Variants in CLMP observed in about 807,000 individuals in gnomAD.
The protein encoded by CLMP is CXADR like cell adhesion molecule.
In CLMP, 27 loss-of-function variants were observed where a neutral mutation model predicts 45.2. The observed-to-expected ratio is 0.60, with a 90% CI of 0.44 to 0.82. The LOEUF (loss-of-function observed/expected upper bound fraction) is 0.82, where lower values mean the gene tolerates loss of function less well. CLMP is among the 40% of genes least tolerant of loss of function. The pLI is 0.00. For synonymous variants in CLMP, 167 were observed against 171.4 expected, an observed-to-expected ratio of 0.97 and a Z score of 0.20; for missense variants, 403 against 448.4, an observed-to-expected ratio of 0.90 and a Z score of 0.91.
In CLMP at chr11:123,074,815, T is replaced by C; in HGVS notation, c.708A>G (p.Gly236=). Reference sequence around the variant, plus strand: ...CTCCAGCCACTATGCCTGTCACTGCTCCTGCAACCATGCCGATGCTTTGTA... The same window carrying C: ...CTCCAGCCACTATGCCTGTCACTGCCCCTGCAACCATGCCGATGCTTTGTA... ...QYVQSIGMVA[G]AVTGIVAGAL... is the part of the protein sequence containing the mutation. Residue 236 remains glycine, a synonymous_variant, in exon 6 of 7, where the codon GGA becomes GGG. Transcript: ENST00000448775. 6.2e-7 allele frequency: 1 copy of C among 1,613,996 alleles called. No homozygotes were observed. The highest frequency in any genetic ancestry group is 2.2e-5 in the East Asian group (1 of 44,896).
chr11:123,163,251 G>T (rs532824808), intron 1 of CLMP, among the ~76,000 whole-genome samples: 2 of 152,274 alleles, frequency 1.3e-5, no homozygotes, highest in South Asian at 4.1e-4. Flanking sequence ...GGAGAAATTT[G>T]TGTCCTGTTT....
At chr11:123,108,472 A>G (rs2135489195) in intron 1 of CLMP, among the ~76,000 whole-genome samples, 1 of 152,234 alleles carries the variant, frequency 6.6e-6, no homozygotes, top group Non-Finnish European at 1.5e-5. Flanking sequence ...GTGTGGATAC[A>G]AGGACCCAGG....
intron 1 of CLMP, among the ~76,000 whole-genome samples, chr11:123,155,870 G>T (rs901064514): frequency 1.3e-5 from 2 of 152,176 alleles, no homozygotes; most frequent in Non-Finnish European, 2.9e-5. Flanking sequence ...GGGAAGCCAG[G>T]TACCATGGCA....
intron 1 of CLMP, among the ~76,000 whole-genome samples, chr11:123,139,039 C>T (rs917186862): frequency 6.6e-6 from 1 of 152,020 alleles, no homozygotes; most frequent in African/African-American, 2.4e-5. Context: ...AATTTAAGTT[C>T]CGTGTCTATA....
Position 123,097,789 on chromosome 11 carries a change from A to G in CLMP, c.186+6T>C, listed in dbSNP as rs367573793. On this transcript the variant is annotated splice_donor_region_variant and intron_variant, in intron 2 of 6. Coordinates refer to ENST00000448775, the MANE Select transcript of CLMP (RefSeq NM_024769.5). ...GAGGAGGGACTCCAGCCAGGTGTCT[A>G]CTTACCACTTTTTGGTTCCCTTCAT... The G allele has an allele frequency of 1.6e-5, 26 of 1,582,432 alleles. No homozygotes were observed. In the African/African-American group the frequency reaches 2.8e-4, roughly 17 times the overall value.
intron 2 of CLMP, among the ~76,000 whole-genome samples, chr11:123,093,873 T>C (rs1865961268): frequency 6.6e-6 from 1 of 152,154 alleles, no homozygotes; most frequent in Non-Finnish European, 1.5e-5. Flanking sequence ...ATGGAGCAGC[T>C]CAACTTTCTG....
intron 1 of CLMP, among the ~76,000 whole-genome samples, chr11:123,124,554 T>C (rs1860862763): frequency 6.6e-6 from 1 of 152,262 alleles, no homozygotes; most frequent in South Asian, 2.1e-4. Context: ...GGATTTTGCC[T>C]CTGCAATAAT....
chr11:123,127,208 G>A (rs1486850474), intron 1 of CLMP, among the ~76,000 whole-genome samples: 2 of 151,710 alleles, frequency 1.3e-5, no homozygotes, highest in Admixed American at 6.6e-5. Context: ...TGCAACCTGC[G>A]CCTCCTGGAT....
At position 123,143,522 on chromosome 11, in the gene CLMP, G is replaced by A. The variant is rs188470729; in HGVS notation, c.29-45570C>T. ...GCCATGTGAACCGCCTATGGGGGGC[G>A]GGGGGGGCATGAGACAGGGAACAGT... On this transcript the variant is annotated intron_variant, in intron 1 of 6. Coordinates refer to ENST00000448775, the MANE Select transcript of CLMP (RefSeq NM_024769.5). Among the ~76,000 whole-genome samples, 7 of 103,324 alleles carry A rather than the reference G, an allele frequency of 6.8e-5. No individual in the cohort carries two copies. In the East Asian group the frequency reaches 1.2e-3, roughly 17 times the overall value. The allele number at this position is 103,324 out of a possible 152,430, so 67.8% of individuals were successfully genotyped here. A position where few individuals can be genotyped will look rare whatever the true frequency, so the allele number is the denominator to read the frequency against.
chr11:123,184,187 C>T (rs929103146), intron 1 of CLMP, among the ~76,000 whole-genome samples: 3 of 152,058 alleles, frequency 2.0e-5, no homozygotes, highest in African/African-American at 4.8e-5. Flanking sequence ...CTCTGCCTCC[C>T]GGGTTCAAGT....
intron 1 of CLMP, among the ~76,000 whole-genome samples, chr11:123,118,876 G>C (rs1390673758): frequency 3.3e-5 from 5 of 151,840 alleles, no homozygotes; most frequent in Admixed American, 1.3e-4. Flanking sequence ...TATGAGTCTT[G>C]AGTTTGTCTT....
intron 1 of CLMP, among the ~76,000 whole-genome samples, chr11:123,194,538 C>G (rs1331215464): frequency 6.6e-6 from 1 of 152,138 alleles, no homozygotes; most frequent in African/African-American, 2.4e-5. Flanking sequence ...GCCTCGGAGG[C>G]GCCTGTTTGA....
At chr11:123,141,466 G>A (rs1489841298) in intron 1 of CLMP, among the ~76,000 whole-genome samples, 2 of 152,036 alleles carry the variant, frequency 1.3e-5, no homozygotes, top group Non-Finnish European at 2.9e-5. Context: ...TTACAGGTGT[G>A]AGCCACCGCG....
chr11:123,132,422 C>T (rs559623694), intron 1 of CLMP, among the ~76,000 whole-genome samples: 1 of 151,978 alleles, frequency 6.6e-6, no homozygotes, highest in Admixed American at 6.6e-5. Flanking sequence ...TAACTTTTTC[C>T]TTTTTTTTCT....
chr11:123,073,817 G>A, intron 6 of CLMP, 43 bp from the exon 7 acceptor site: 1 of 1,524,812 alleles, frequency 6.6e-7, no homozygotes, highest in Non-Finnish European at 8.8e-7. Flanking sequence ...GCAGATCTGT[G>A]ATTGCTTCCA....
chr11:123,097,246 G>C (rs549891235), intron 2 of CLMP, among the ~76,000 whole-genome samples: 9 of 152,134 alleles, frequency 5.9e-5, no homozygotes, highest in Middle Eastern at 3.4e-3. Context: ...GCTCACTGCA[G>C]CCTGGCACTC....
intron 1 of CLMP, among the ~76,000 whole-genome samples, chr11:123,103,101 G>A (rs1389599851): frequency 3.3e-5 from 5 of 152,094 alleles, no homozygotes; most frequent in Non-Finnish European, 7.3e-5. Context: ...AACTCATTTA[G>A]CGGCAGAAAT....
intron 2 of CLMP, among the ~76,000 whole-genome samples, chr11:123,089,223 A>G (rs1317871979): frequency 2.0e-5 from 3 of 151,944 alleles, no homozygotes; most frequent in African/African-American, 7.3e-5. Context: ...CATCTCTACT[A>G]AAATTACAAA....
intron 1 of CLMP, among the ~76,000 whole-genome samples, chr11:123,168,754 C>A (rs1165054450): frequency 6.6e-6 from 1 of 152,224 alleles, no homozygotes; most frequent in Non-Finnish European, 1.5e-5. Context: ...GTGGATGCTG[C>A]ATCTTAAGTG....
Sources: gnomAD v4.1 joint callset for allele counts (sites outside exome capture counted in the v4.1 genomes callset) on GRCh38, gnomAD v4.1.1 for gene constraint, MANE v1.5 for transcripts, NCBI Gene and HGNC (gene_info 2026-07-23, HGNC 2026-07-21) for gene names.